PCDH15: variants seen among roughly 807,000 people sequenced by gnomAD.
PCDH15 encodes the protein protocadherin-15.
In PCDH15, 129 loss-of-function variants were observed where a neutral mutation model predicts 178.5. The ratio of observed to expected loss-of-function variants is 0.72; its 90% CI spans 0.63 to 0.84. The LOEUF is 0.84. Among genes scored for constraint, PCDH15 ranks in the 40% least tolerant of loss-of-function variants. PCDH15 has a pLI of 0.00. For missense variants in PCDH15, 2,230 were observed against 2,099.9 expected (o/e 1.06, Z -1.21); for synonymous variants, 800 against 732.0 (o/e 1.09, Z -1.50).
At chr10:53,822,427 GAGCAAGAGGAGCAGGAGC>G (rs1287244212) in intron 32 of PCDH15, 1 of 1,580,474 alleles carries the variant, frequency 6.3e-7, no homozygotes, top group Admixed American at 1.8e-5. Flanking sequence ...TCAGGAGGAG[GAGCAAGAGGAGCAGGAGC>G]AGGAGGAGGA....
intron 1 of PCDH15, among the ~76,000 whole-genome samples, chr10:54,747,900 G>C (rs1185328783): frequency 6.7e-6 from 1 of 150,222 alleles, no homozygotes; most frequent in Non-Finnish European, 1.5e-5. Context: ...CCGCCTCCAG[G>C]GTTCACGCCA....
intron 2 of PCDH15, among the ~76,000 whole-genome samples, chr10:54,958,173 G>C (rs1017854500): frequency 1.3e-5 from 2 of 151,734 alleles, no homozygotes; most frequent in Non-Finnish European, 3.0e-5. Context: ...ACCTCTTTTA[G>C]AATTATTCAT....
At chr10:55,385,024 T>C (rs1371654613) in intron 2 of PCDH15, among the ~76,000 whole-genome samples, 1 of 152,228 alleles carries the variant, frequency 6.6e-6, no homozygotes, top group African/African-American at 2.4e-5. Flanking sequence ...TACAGATTTA[T>C]TAGATCACTT....
chr10:54,138,795 C>A (rs1180977748), intron 14 of PCDH15, among the ~76,000 whole-genome samples: 1 of 152,066 alleles, frequency 6.6e-6, no homozygotes, highest in Non-Finnish European at 1.5e-5. Flanking sequence ...GCTATGTAAA[C>A]CAGTGAGTTT....
intron 3 of PCDH15, among the ~76,000 whole-genome samples, chr10:54,442,443 T>TATATATATATATAC (rs1565288054): frequency 8.3e-6 from 1 of 121,040 alleles, no homozygotes; most frequent in African/African-American, 3.6e-5. Context: ...TATATATATA[T>TATATATATATATAC]ATATATATAT....
chr10:54,027,726 C>G (rs1348071737), intron 18 of PCDH15, among the ~76,000 whole-genome samples: 1 of 147,386 alleles, frequency 6.8e-6, no homozygotes, highest in East Asian at 2.0e-4. Flanking sequence ...GCTGGGAAAA[C>G]TGGCTAGCCA....
chr10:54,673,612 A>G (rs2135535418), intron 1 of PCDH15, among the ~76,000 whole-genome samples: 1 of 151,896 alleles, frequency 6.6e-6, no homozygotes, highest in African/African-American at 2.4e-5. Flanking sequence ...CTAATTTTGT[A>G]TTTTTAATAG....
At chr10:55,306,961 G>A (rs1843442153) in intron 1 of PCDH15, among the ~76,000 whole-genome samples, 2 of 151,358 alleles carry the variant, frequency 1.3e-5, no homozygotes, top group Admixed American at 6.6e-5. Context: ...AAAATATTAA[G>A]GCAAAAAAGT....
In PCDH15 at chr10:53,809,004, T is replaced by C. The variant is rs761496222; in HGVS notation, c.4671+1552A>G. On this transcript the variant is annotated intron_variant, in intron 37 of 37. Transcript: ENST00000644397. ...CCATCTTAGGTTCTTTTTGTTCTTC[T>C]TGTGGCTCCTCTTTCCTACCCTTGA... The C allele has an allele frequency of 1.9e-5, 30 of 1,576,158 alleles. No individual in the cohort carries two copies. The Admixed American group carries it at 5.5e-4, about 29-fold the overall frequency.
intron 3 of PCDH15, among the ~76,000 whole-genome samples, chr10:54,896,513 GA>G (rs58802302): frequency 0.62 from 93,062 of 149,344 alleles, 29,243 homozygotes; most frequent in African/African-American, 0.73. Context: ...TTTCCCAGCG[GA>G]AAAAAAAAAA....
chr10:54,042,518 A>T (rs1426961395), intron 18 of PCDH15, among the ~76,000 whole-genome samples: 2 of 152,076 alleles, frequency 1.3e-5, no homozygotes. Context: ...TGAATCACAC[A>T]GAGAGTTAGA....
intron 25 of PCDH15, among the ~76,000 whole-genome samples, chr10:53,913,917 G>A (rs1423437161): frequency 1.3e-5 from 2 of 152,042 alleles, no homozygotes; most frequent in Non-Finnish European, 2.9e-5. Context: ...AAACTTACCA[G>A]AAAAAATCAA....
chr10:55,301,232 CTG>C (rs1464525322), intron 1 of PCDH15, among the ~76,000 whole-genome samples: 1 of 152,124 alleles, frequency 6.6e-6, no homozygotes, highest in Non-Finnish European at 1.5e-5. Context: ...CAGCAATGTA[CTG>C]TGAGTAAATT....
intron 1 of PCDH15, among the ~76,000 whole-genome samples, chr10:55,167,056 T>C (rs1839214227): frequency 6.6e-6 from 1 of 152,158 alleles, no homozygotes; most frequent in African/African-American, 2.4e-5. Flanking sequence ...GGTGTACATA[T>C]TCAAGACAAT....
intron 29 of PCDH15, among the ~76,000 whole-genome samples, chr10:53,837,827 A>G (rs1223315360): frequency 6.6e-6 from 1 of 152,006 alleles, no homozygotes; most frequent in Admixed American, 6.6e-5. Flanking sequence ...AAATCTTTCA[A>G]GAAACAATTC....
At chr10:55,282,091 TAATTCCTCTATTTGAAC>T (rs1427008690) in intron 1 of PCDH15, among the ~76,000 whole-genome samples, 3 of 152,310 alleles carry the variant, frequency 2.0e-5, no homozygotes, top group African/African-American at 7.2e-5. Flanking sequence ...TTCAATCACT[TAATTCCTCTATTTGAAC>T]TATCAATAGC....
chr10:54,928,036 G>T (rs930399098), intron 2 of PCDH15, among the ~76,000 whole-genome samples: 1 of 152,094 alleles, frequency 6.6e-6, no homozygotes, highest in African/African-American at 2.4e-5. Context: ...AATGTCACCA[G>T]TCTGTGTACT....
intron 2 of PCDH15, among the ~76,000 whole-genome samples, chr10:55,022,884 T>C (rs1437017133): frequency 1.4e-5 from 2 of 139,922 alleles, no homozygotes; most frequent in African/African-American, 5.3e-5. Flanking sequence ...CTAAATGAAT[T>C]TTATTTTTCA....
rs1460093477 is a variant in PCDH15, at chr10:54,079,392, T to C, written c.2030A>G (p.Asp677Gly). 2 of 1,614,086 alleles carry C rather than the reference T, an allele frequency of 1.2e-6. No homozygotes were observed. The highest frequency in any genetic ancestry group is 2.2e-5 in the South Asian group (2 of 91,080). The change falls in exon 17 of 38, where the codon GAC becomes GGC. Residue 677 changes from aspartate to glycine, a missense_variant. Physicochemically the swap from Asp to Gly is moderately conservative, Grantham distance 94. Coordinates refer to ENST00000644397, the MANE Select transcript of PCDH15 (RefSeq NM_001384140.1). The part of the protein sequence containing the change: ...TGILTLGKAL[D>G]RESTDRYILI... ...AATGTAGCGATCAGTGCTTTCCCTG[T>C]CCAGTGCTTTCCCTAAGGTTAGAAT...
Sources: gnomAD v4.1 joint callset for allele counts (sites outside exome capture counted in the v4.1 genomes callset) on GRCh38, gnomAD v4.1.1 for gene constraint, MANE v1.5 for transcripts, NCBI Gene and HGNC (gene_info 2026-07-23, HGNC 2026-07-21) for gene names.